Variants in LRFN5 observed in about 807,000 individuals in gnomAD.
The protein encoded by LRFN5 is leucine-rich repeat and fibronectin type-III domain-containing protein 5.
A neutral mutation model predicts 45.6 loss-of-function variants in LRFN5; 24 were observed. The ratio of observed to expected loss-of-function variants is 0.53; its 90% CI spans 0.38 to 0.74. The LOEUF is 0.74. Among genes scored for constraint, LRFN5 ranks in the 30% least tolerant of loss-of-function variants. The probability of loss-of-function intolerance (pLI) is 0.00; values close to 1 mark genes in which losing one functional copy is unlikely to be tolerated. For missense variants in LRFN5, 776 were observed against 861.5 expected (o/e 0.90, Z 1.24); for synonymous variants, 340 against 313.8 (o/e 1.08, Z -0.88).
At chr14:41,770,429 G>A (rs1886041064) in intron 2 of LRFN5, among the ~76,000 whole-genome samples, 1 of 152,098 alleles carries the variant, frequency 6.6e-6, no homozygotes, top group Non-Finnish European at 1.5e-5. Flanking sequence ...TTCCACCTAT[G>A]AGCCTGTAAA....
chr14:41,661,345 T>A (rs1419053650), intron 1 of LRFN5, among the ~76,000 whole-genome samples: 1 of 152,030 alleles, frequency 6.6e-6, no homozygotes, highest in African/African-American at 2.4e-5. Context: ...CCCAGGATGC[T>A]TTTCAAAATG....
chr14:41,660,957 T>A (rs1015494194), intron 1 of LRFN5, among the ~76,000 whole-genome samples: 1 of 151,536 alleles, frequency 6.6e-6, no homozygotes, highest in Non-Finnish European at 1.5e-5. Context: ...ATAGCTCCAA[T>A]CTTGGGTTTA....
intron 2 of LRFN5, among the ~76,000 whole-genome samples, chr14:41,866,195 C>T (rs1443613686): frequency 6.6e-6 from 1 of 152,086 alleles, no homozygotes; most frequent in African/African-American, 2.4e-5. Flanking sequence ...ACATTTGGAT[C>T]CATTAGTTAA....
chr14:41,723,524 C>G (rs1883809996), intron 1 of LRFN5, among the ~76,000 whole-genome samples: 1 of 152,122 alleles, frequency 6.6e-6, no homozygotes, highest in South Asian at 2.1e-4. Context: ...GCGGATGTCC[C>G]AAATGCCTGG....
chr14:41,845,220 T>C (rs1457881311), intron 2 of LRFN5, among the ~76,000 whole-genome samples: 1 of 152,114 alleles, frequency 6.6e-6, no homozygotes, highest in Non-Finnish European at 1.5e-5. Flanking sequence ...ATATAAAATA[T>C]TTTGAAATAC....
At chr14:41,850,474 C>T (rs552189006) in intron 2 of LRFN5, among the ~76,000 whole-genome samples, 270 of 151,922 alleles carry the variant, frequency 1.8e-3, no homozygotes, top group African/African-American at 6.1e-3. Flanking sequence ...ATTGAGGCCT[C>T]TTACTTATTA....
At chr14:41,894,232 C>G (rs1442261705) in intron 4 of LRFN5, 3 of 982,692 alleles carry the variant, frequency 3.1e-6, no homozygotes, top group African/African-American at 1.7e-5. Flanking sequence ...AACATATGTA[C>G]TATAAGTTAC....
chr14:41,882,186 GT>G (rs2139140603), intron 2 of LRFN5, among the ~76,000 whole-genome samples: 1 of 152,150 alleles, frequency 6.6e-6, no homozygotes, highest in South Asian at 2.1e-4. Flanking sequence ...GGCCAGATTT[GT>G]TGGTGGCCTA....
chr14:41,720,961 T>C (rs1370522989), intron 1 of LRFN5, among the ~76,000 whole-genome samples: 1 of 152,108 alleles, frequency 6.6e-6, no homozygotes, highest in Non-Finnish European at 1.5e-5. Context: ...CAATGGTCTA[T>C]CTAATGTTGT....
At chr14:41,791,603 G>T (rs1367056040) in intron 2 of LRFN5, among the ~76,000 whole-genome samples, 1 of 151,990 alleles carries the variant, frequency 6.6e-6, no homozygotes, top group Non-Finnish European at 1.5e-5. Flanking sequence ...TAGTACTTAG[G>T]TTGATAGTTT....
At chr14:41,642,473 G>A (rs1879624431) in intron 1 of LRFN5, among the ~76,000 whole-genome samples, 1 of 152,226 alleles carries the variant, frequency 6.6e-6, no homozygotes, top group African/African-American at 2.4e-5. Context: ...CAAAGCTTTC[G>A]AAGAAAGTTG....
intron 2 of LRFN5, among the ~76,000 whole-genome samples, chr14:41,778,812 A>G (rs1350669431): frequency 6.6e-6 from 1 of 151,808 alleles, no homozygotes; most frequent in Non-Finnish European, 1.5e-5. Context: ...AGTACATGTG[A>G]ATTGTTGTAC....
chr14:41,707,040 A>G (rs941982182), intron 1 of LRFN5, among the ~76,000 whole-genome samples: 11 of 152,210 alleles, frequency 7.2e-5, no homozygotes, highest in African/African-American at 2.7e-4. Flanking sequence ...TCCCTTTAAA[A>G]TAAATCTTCC....
At chr14:41,807,893 G>A (rs964819850) in intron 2 of LRFN5, among the ~76,000 whole-genome samples, 6 of 151,798 alleles carry the variant, frequency 4.0e-5, no homozygotes, top group Non-Finnish European at 7.4e-5. Flanking sequence ...TGAGGCTGAC[G>A]CCATCGAAGT....
chr14:41,873,669 GA>G (rs1383617291), intron 2 of LRFN5, among the ~76,000 whole-genome samples: 9 of 152,002 alleles, frequency 5.9e-5, no homozygotes, highest in Non-Finnish European at 1.3e-4. Context: ...TTTTCTGATA[GA>G]GATAACTAGG....
At chr14:41,706,540 A>G (rs1883075996) in intron 1 of LRFN5, among the ~76,000 whole-genome samples, 1 of 152,134 alleles carries the variant, frequency 6.6e-6, no homozygotes, top group South Asian at 2.1e-4. Context: ...CTGACTTTTA[A>G]AAAGCCTATC....
intron 2 of LRFN5, among the ~76,000 whole-genome samples, chr14:41,851,153 A>G (rs910227490): frequency 2.0e-5 from 3 of 151,924 alleles, no homozygotes; most frequent in South Asian, 2.1e-4. Flanking sequence ...AGAAGTTATA[A>G]TAATGCATTC....
chr14:41,777,713 A>G (rs1444504480), intron 2 of LRFN5, among the ~76,000 whole-genome samples: 1 of 151,682 alleles, frequency 6.6e-6, no homozygotes, highest in African/African-American at 2.4e-5. Context: ...CGCTTTTTGT[A>G]TTTGCCATAG....
intron 1 of LRFN5, among the ~76,000 whole-genome samples, chr14:41,631,693 A>G (rs892324590): frequency 6.6e-6 from 1 of 152,230 alleles, no homozygotes; most frequent in Non-Finnish European, 1.5e-5. Flanking sequence ...AGAGATGCCT[A>G]CTGAGAGAAA....
Sources: gnomAD v4.1 joint callset for allele counts (sites outside exome capture counted in the v4.1 genomes callset) on GRCh38, gnomAD v4.1.1 for gene constraint, MANE v1.5 for transcripts, NCBI Gene and HGNC (gene_info 2026-07-23, HGNC 2026-07-21) for gene names.